The following NUP205 variants were observed in gnomAD, a reference collection of about 807,000 sequenced individuals.
NUP205 encodes nucleoporin 205.
Under a neutral mutation model 253.8 loss-of-function variants are expected in NUP205, and 76 were observed. The observed-to-expected ratio is 0.30, with a 90% CI of 0.25 to 0.36. The LOEUF is 0.36. Ranked by LOEUF, NUP205 falls within the 10% of genes least tolerant of loss-of-function variation. The pLI is 1.00. For synonymous variants in NUP205, 832 were observed against 850.1 expected (o/e 0.98, Z 0.37); for missense variants, 2,162 against 2,425.5 (o/e 0.89, Z 2.28).
intron 13 of NUP205, 146 bp downstream of exon 13, chr7:135,594,875 A>G: frequency 3.4e-6 from 2 of 586,346 alleles, no homozygotes. Context: ...TGAGCATAGC[A>G]ATAGAAACTA....
chr7:135,570,041 A>G (rs1326980464), intron 1 of NUP205, among the ~76,000 whole-genome samples: 1 of 98,834 alleles, frequency 1.0e-5, no homozygotes, highest in Admixed American at 1.1e-4. Flanking sequence ...ATATATATAT[A>G]TATATATATA....
chr7:135,603,612 C>T (rs775795834), intron 18 of NUP205, among the ~76,000 whole-genome samples: 8 of 147,122 alleles, frequency 5.4e-5, no homozygotes, highest in East Asian at 1.9e-4. Flanking sequence ...CAGGCTCAGG[C>T]GATTCTCCCA....
At chr7:135,568,329 G>A (rs1470456194) in intron 1 of NUP205, among the ~76,000 whole-genome samples, 1 of 151,500 alleles carries the variant, frequency 6.6e-6, no homozygotes, top group African/African-American at 2.4e-5. Flanking sequence ...ATTAATTTTA[G>A]TTTTTTATTG....
chr7:135,620,002 T>C, intron 30 of NUP205, 114 bp downstream of exon 30: 2 of 704,770 alleles, frequency 2.8e-6, no homozygotes, highest in Non-Finnish European at 4.9e-6. Flanking sequence ...AAATGAGTGT[T>C]AGTGTCATTT....
At chr7:135,598,441 A>G (rs907211871) in intron 15 of NUP205, among the ~76,000 whole-genome samples, 22 of 152,352 alleles carry the variant, frequency 1.4e-4, no homozygotes, top group South Asian at 4.1e-4. Context: ...AGGAGTTCAT[A>G]TTTCATATCC....
In NUP205 at chr7:135,601,383, A is replaced by T; in HGVS notation, c.2388A>T (p.Ile796=). 1.9e-6 allele frequency: 3 copies of T among 1,612,700 alleles called. No individual in the cohort carries two copies. Among genetic ancestry groups the T allele is most frequent in the Non-Finnish European group, 2.5e-6 (3 of 1,179,384 alleles). ...QFVELQGEEI[I]AYKPPGFSLM... ...TGTTCTATTTAGGAGAAGAAATCAT[A>T]GCCTATAAGCCACCTGGATTTAGTC... is the stretch of plus-strand genomic sequence containing the variant. Residue 796 remains isoleucine, a synonymous_variant, in exon 17 of 43, where the codon ATA becomes ATT. Transcript: ENST00000285968.
chr7:135,637,153 C>T (rs897767090), intron 36 of NUP205, among the ~76,000 whole-genome samples: 1 of 152,176 alleles, frequency 6.6e-6, no homozygotes, highest in African/African-American at 2.4e-5. Flanking sequence ...TTGTGCTAAG[C>T]ACTTTAAATA....
intron 34 of NUP205, among the ~76,000 whole-genome samples, chr7:135,630,014 G>T (rs1794677691): frequency 6.6e-6 from 1 of 152,090 alleles, no homozygotes; most frequent in South Asian, 2.1e-4. Context: ...GAAAATAGGG[G>T]TCAGATAATA....
intron 7 of NUP205, among the ~76,000 whole-genome samples, chr7:135,581,992 G>A (rs1806318253): frequency 6.6e-6 from 1 of 152,080 alleles, no homozygotes; most frequent in Admixed American, 6.6e-5. Context: ...TGGTCTTCAA[G>A]AAGTAATTTT....
rs140046671 is a variant in NUP205 at position 135,581,324 on chromosome 7, G to C, written c.1042+2409G>C. On this transcript the variant is annotated intron_variant, in intron 7 of 42. Coordinates refer to ENST00000285968, the MANE Select transcript of NUP205 (RefSeq NM_015135.3). ...TTTGGGAGGCCAAGGTGGGAGGATTGCTTGAGCCCAGGAGTTCATGACAAA... is the reference window on the plus strand; with the variant it reads ...TTTGGGAGGCCAAGGTGGGAGGATTCCTTGAGCCCAGGAGTTCATGACAAA... 3.7e-3 allele frequency among the ~76,000 whole-genome samples: 569 copies of C among 152,254 alleles called. 4 individuals carry two copies. Among genetic ancestry groups the C allele is most frequent in the African/African-American group, 0.013 (550 of 41,546 alleles).
At chr7:135,637,229 G>A (rs1375303645) in intron 36 of NUP205, among the ~76,000 whole-genome samples, 1 of 152,184 alleles carries the variant, frequency 6.6e-6, no homozygotes, top group Non-Finnish European at 1.5e-5. Context: ...TACCACTTTA[G>A]AAATGTGAAC....
chr7:135,558,121 C>T (rs1484354735), intron 1 of NUP205, 149 bp downstream of exon 1: 1 of 708,454 alleles, frequency 1.4e-6, no homozygotes. Context: ...TCCCACCCCT[C>T]CCCAGTTTGA....
At chr7:135,590,330 T>C (rs1224297899) in intron 10 of NUP205, among the ~76,000 whole-genome samples, 7 of 151,892 alleles carry the variant, frequency 4.6e-5, no homozygotes, top group African/African-American at 1.7e-4. Context: ...GTCAGGCTGG[T>C]CTCGAACTCC....
chr7:135,567,783 ATAGT>A (rs1426351684), intron 1 of NUP205, among the ~76,000 whole-genome samples: 13 of 152,138 alleles, frequency 8.5e-5, no homozygotes, highest in Non-Finnish European at 2.9e-5. Flanking sequence ...TGTTTAGGCT[ATAGT>A]TAGTTCTAAG....
At position 135,567,028 on chromosome 7, in the gene NUP205, T is replaced by C. The variant is rs549696467; in HGVS notation, c.29-4077T>C. On this transcript the variant is annotated intron_variant, in intron 1 of 42. Transcript: ENST00000285968. Reference sequence around the variant, plus strand: ...TGCTGAGATTACAGGTGTGAGCCACTGCACCCGGCCTGGAATTCTTTGTTT... The same window carrying C: ...TGCTGAGATTACAGGTGTGAGCCACCGCACCCGGCCTGGAATTCTTTGTTT... 2.1e-4 allele frequency among the ~76,000 whole-genome samples: 32 copies of C among 149,932 alleles called. No homozygotes were observed. In the South Asian group the frequency reaches 6.6e-3, roughly 31 times the overall value.
At chr7:135,564,031 AAGAC>A (rs1275256462) in intron 1 of NUP205, among the ~76,000 whole-genome samples, 1 of 152,018 alleles carries the variant, frequency 6.6e-6, no homozygotes. Context: ...GGTCAAACTC[AAGAC>A]AGATTGAAGA....
At chr7:135,596,851 G>C (rs1793846285) in intron 13 of NUP205, among the ~76,000 whole-genome samples, 2 of 151,700 alleles carry the variant, frequency 1.3e-5, no homozygotes, top group African/African-American at 4.8e-5. Flanking sequence ...CAGCTACTCT[G>C]GAGGCTGAGG....
At chr7:135,564,364 G>A (rs147256775) in intron 1 of NUP205, among the ~76,000 whole-genome samples, 4,610 of 149,862 alleles carry the variant, frequency 0.031, 102 homozygotes, top group Middle Eastern at 0.1. Context: ...CTCCTGCCCC[G>A]GCCTCCCAAG....
chr7:135,635,318 A>G (rs1794786817), intron 35 of NUP205: 5 of 248,684 alleles, frequency 2.0e-5, no homozygotes, highest in Non-Finnish European at 7.5e-6. Flanking sequence ...AAAAAATTAG[A>G]TTTTTCTTGA....
Sources: allele counts gnomAD v4.1 joint callset (sites outside exome capture counted in the v4.1 genomes callset), GRCh38; gene constraint gnomAD v4.1.1; transcripts MANE v1.5; gene names NCBI Gene and HGNC (gene_info 2026-07-23, HGNC 2026-07-21).